Variants in KIF17 observed in about 807,000 individuals in gnomAD.
KIF17 encodes kinesin-like protein KIF17.
A neutral mutation model predicts 96.8 loss-of-function variants in KIF17; 80 were observed. The ratio of observed to expected loss-of-function variants is 0.83; its 90% CI spans 0.69 to 1.00. KIF17 has a LOEUF of 1.00. Ranked by LOEUF, KIF17 falls within the 50% of genes least tolerant of loss-of-function variation. The pLI is 0.00. For missense variants in KIF17, 1,280 were observed against 1,372.9 expected, an observed-to-expected ratio of 0.93 and a Z score of 1.07; for synonymous variants, 567 against 587.5, an observed-to-expected ratio of 0.97 and a Z score of 0.51.
At chr1:20,665,815 G>A (rs1033319133) in intron 14 of KIF17, among the ~76,000 whole-genome samples, 2 of 152,208 alleles carry the variant, frequency 1.3e-5, no homozygotes, top group Admixed American at 1.3e-4. Context: ...TGCATTTGTG[G>A]CCCTTGATAA....
chr1:20,665,652 C>T (rs1246836395), intron 14 of KIF17, among the ~76,000 whole-genome samples: 2 of 152,158 alleles, frequency 1.3e-5, no homozygotes, highest in Non-Finnish European at 1.5e-5. Flanking sequence ...CCACCCGCCT[C>T]AGCCTGCCAA....
chr1:20,678,039 G>T (rs1358769821), intron 11 of KIF17, among the ~76,000 whole-genome samples: 1 of 152,212 alleles, frequency 6.6e-6, no homozygotes. Context: ...TGCTCATAAA[G>T]ACATACCCGA....
intron 2 of KIF17, 140 bp downstream of exon 2, chr1:20,715,353 T>G: frequency 8.8e-7 from 1 of 1,132,946 alleles, no homozygotes; most frequent in Non-Finnish European, 1.3e-6. Flanking sequence ...CACCACCTTT[T>G]CAGAACCCAG....
At chr1:20,683,633 C>T (rs897792255) in intron 10 of KIF17, among the ~76,000 whole-genome samples, 2 of 151,816 alleles carry the variant, frequency 1.3e-5, no homozygotes, top group Non-Finnish European at 2.9e-5. Context: ...CCAGCCTGAG[C>T]AACAGAGCAA....
At chr1:20,680,858 T>G (rs1360525472) in intron 11 of KIF17, among the ~76,000 whole-genome samples, 1 of 152,054 alleles carries the variant, frequency 6.6e-6, no homozygotes, top group African/African-American at 2.4e-5. Flanking sequence ...GCATGGTGGC[T>G]CACACCTGTA....
At position 20,717,800 on chromosome 1, in the gene KIF17, C is replaced by A. The variant is rs2054610159; in HGVS notation, c.-94G>T. 3.8e-6 allele frequency: 5 copies of A among 1,329,484 alleles called. No individual in the cohort carries two copies. Among genetic ancestry groups the A allele is most frequent in the Non-Finnish European group, 4.8e-6 (5 of 1,042,284 alleles). 82.4% of individuals were successfully genotyped at this position (1,329,484 alleles called of 1,614,324 possible). ...GCCAAGGGGCGGGGCCAGCGCCGGC[C>A]ACGGGGGGCGGGGCCTTGAGGCAGG... On this transcript the variant is annotated 5_prime_UTR_variant, in exon 1 of 15. Coordinates refer to ENST00000400463, the MANE Select transcript of KIF17 (RefSeq NM_001122819.3).
At chr1:20,712,048 A>T (rs554543939) in intron 3 of KIF17, among the ~76,000 whole-genome samples, 1 of 152,240 alleles carries the variant, frequency 6.6e-6, no homozygotes, top group Non-Finnish European at 1.5e-5. Flanking sequence ...GCAGCCCCCA[A>T]GGCAGCTGGT....
At chr1:20,661,686 T>G, downstream of KIF17, 5 of 414,772 alleles carry the variant, frequency 1.2e-5, no homozygotes, top group East Asian at 4.0e-5. Flanking sequence ...TCCCGCCCCC[T>G]AGTCTGGAGC....
rs760563236 is a variant in KIF17 at position 20,664,574 on chromosome 1, G to A, written c.*10C>T. On this transcript the variant is annotated 3_prime_UTR_variant, in exon 15 of 15. Transcript: ENST00000400463. ...ATGCCTATAAGGCAGGCAATGGCAA[G>A]CAGCTGTGCTCACAGAGGCTCACTG... 1.2e-6 allele frequency: 2 copies of A among 1,614,100 alleles called. No homozygotes were observed. The highest frequency in any genetic ancestry group is 1.7e-6 in the Non-Finnish European group (2 of 1,180,030).
In KIF17 at chr1:20,704,812, G is replaced by A. The variant is rs745736271; in HGVS notation, c.758C>T (p.Thr253Met). The change falls in exon 5 of 15, where the codon ACG (threonine) becomes ATG (methionine). Residue 253 changes from threonine (T) to methionine (M), a missense_variant. Coordinates refer to ENST00000400463, the MANE Select transcript of KIF17 (RefSeq NM_001122819.3). This position sits in a 1 kb window ranked among gnomAD's most constrained non-coding sequence, Gnocchi z 6.8. ...GSERQSKTGA[T>M]GERLKEATKI... ...GGTGGCCTCCTTGAGCCGCTCGCCC[G>A]TGGCCCCGGTCTTGGACTGCCGCTC... 27 of 1,607,698 alleles carry A rather than the reference G, an allele frequency of 1.7e-5. No homozygotes were observed. Among genetic ancestry groups the A allele is most frequent in the Middle Eastern group, 1.6e-4 (1 of 6,080 alleles).
Position 20,673,533 on chromosome 1 carries a change from A to ATT in KIF17, c.2464-1339_2464-1338dup, listed in dbSNP as rs35306944. Reference sequence around the variant, plus strand: ...GAGCTACAGTGGCCCAGCCTGCTCCATTTTTTTTTTTTTTTTTGAGACAGA... The same window carrying ATT: ...GAGCTACAGTGGCCCAGCCTGCTCCATTTTTTTTTTTTTTTTTTTGAGACAGA... On this transcript the variant is annotated intron_variant, in intron 11 of 14. Coordinates refer to ENST00000400463, the MANE Select transcript of KIF17 (RefSeq NM_001122819.3). 2.8e-3 allele frequency among the ~76,000 whole-genome samples: 378 copies of ATT among 134,770 alleles called. 4 individuals carry two copies. The highest frequency in any genetic ancestry group is 7.6e-3 in the African/African-American group (274 of 36,278). 88.4% of individuals were successfully genotyped at this position (134,770 alleles called of 152,430 possible). A position where few individuals can be genotyped will look rare whatever the true frequency, so the allele number is the denominator to read the frequency against.
At chr1:20,712,850 A>AATATAG (rs539321509) in intron 3 of KIF17, among the ~76,000 whole-genome samples, 2 of 13,608 alleles carry the variant, frequency 1.5e-4, no homozygotes, top group Non-Finnish European at 2.1e-4. Context: ...AGATATAGAT[A>AATATAG]ATATTATCTA....
chr1:20,683,015 C>G (rs868810286), intron 10 of KIF17, 131 bp from the exon 11 acceptor site: 4 of 748,454 alleles, frequency 5.3e-6, no homozygotes, highest in Middle Eastern at 5.7e-4. Flanking sequence ...GGGAGGGAAA[C>G]CGAGGCTCGG....
At chr1:20,692,486 T>C (rs1359149606) in intron 6 of KIF17, among the ~76,000 whole-genome samples, 1 of 151,960 alleles carries the variant, frequency 6.6e-6, no homozygotes, top group Admixed American at 6.6e-5. Context: ...AGTAGCCTAT[T>C]ACATGTGCAT....
chr1:20,717,444 C>T (rs2054598300), intron 1 of KIF17, 32 bp downstream of exon 1: 2 of 1,607,340 alleles, frequency 1.2e-6, no homozygotes, highest in East Asian at 2.2e-5. Context: ...CATGCCCTGC[C>T]GCCTGCAGGG....
chr1:20,705,017 C>T (rs1207645348), intron 4 of KIF17, 118 bp from the exon 5 acceptor site: 3 of 840,534 alleles, frequency 3.6e-6, no homozygotes, highest in Admixed American at 2.0e-5. Context: ...CTCAGCTGCA[C>T]AGGAGCCCCA....
rs190271198 is a variant in KIF17 at position 20,711,826 on chromosome 1, G to A, written c.480+1628C>T. Among the ~76,000 whole-genome samples the A allele has an allele frequency of 2.6e-3, 397 of 152,162 alleles. 2 individuals are homozygous for A. Among genetic ancestry groups the A allele is most frequent in the Non-Finnish European group, 4.7e-3 (321 of 67,988 alleles). On this transcript the variant is annotated intron_variant, in intron 3 of 14. Transcript: ENST00000400463. ...GGAGCCCCCGGGTTCAAATCCCATC[G>A]CCACTCTTTACTGACTGTGTGTCCT...
chr1:20,703,222 A>G (rs985484792), intron 5 of KIF17, among the ~76,000 whole-genome samples: 1 of 151,040 alleles, frequency 6.6e-6, no homozygotes, highest in African/African-American at 2.4e-5. Context: ...GGAAGGAAAA[A>G]AGGAAGAAAG....
intron 10 of KIF17, among the ~76,000 whole-genome samples, chr1:20,683,852 G>A (rs1285991354): frequency 4.6e-5 from 7 of 151,526 alleles, no homozygotes; most frequent in South Asian, 2.1e-4. Flanking sequence ...CAGGTGCTGT[G>A]CCCTTTCTCT....
Sources: gnomAD v4.1 joint callset for allele counts (sites outside exome capture counted in the v4.1 genomes callset) on GRCh38, gnomAD v4.1.1 for gene constraint, Gnocchi (gnomAD v3.1) non-coding constraint, MANE v1.5 for transcripts, NCBI Gene and HGNC (gene_info 2026-07-23, HGNC 2026-07-21) for gene names.